The following HECW1 variants were observed in gnomAD, a reference collection of about 807,000 sequenced individuals.
HECW1 encodes the protein E3 ubiquitin-protein ligase HECW1.
A neutral mutation model predicts 182.3 loss-of-function variants in HECW1; 61 were observed. The observed-to-expected ratio is 0.33, with a 90% CI of 0.27 to 0.41. The LOEUF is 0.41. Among genes scored for constraint, HECW1 ranks in the 10% least tolerant of loss-of-function variants. The pLI is 1.00. For missense variants in HECW1, 1,739 were observed against 2,108.9 expected, an observed-to-expected ratio of 0.82 and a Z score of 3.44; for synonymous variants, 859 against 832.6, an observed-to-expected ratio of 1.03 and a Z score of -0.55.
intron 12 of HECW1, among the ~76,000 whole-genome samples, chr7:43,454,335 C>T (rs1331041413): frequency 1.3e-5 from 2 of 152,128 alleles, no homozygotes; most frequent in East Asian, 1.9e-4. Flanking sequence ...TGTTGGATGA[C>T]AGTCATGTTG....
At chr7:43,361,079 TG>T in intron 6 of HECW1, 99 bp downstream of exon 6, 1 of 730,506 alleles carries the variant, frequency 1.4e-6, no homozygotes, top group Non-Finnish European at 2.4e-6. Context: ...TGTGTGTGTG[TG>T]TGTGTGTGTA....
chr7:43,221,537 GTTTTTTTTTTTTTTTTTTTTTTTTTTTT>G (rs71008897), intron 2 of HECW1, among the ~76,000 whole-genome samples: 3 of 50,500 alleles, frequency 5.9e-5, no homozygotes, highest in African/African-American at 7.7e-5. Flanking sequence ...GAGGAATTAG[GTTTTTTTTTTTTTTTTTTTTTTTTTTTT>G]TTTTTTTTTT....
intron 3 of HECW1, among the ~76,000 whole-genome samples, chr7:43,262,478 A>G (rs1176198306): frequency 1.3e-5 from 2 of 152,116 alleles, no homozygotes; most frequent in African/African-American, 4.8e-5. Context: ...CCCTATAGCT[A>G]TGGAGGCAGA....
chr7:43,146,130 T>G (rs1222676168), intron 2 of HECW1, among the ~76,000 whole-genome samples: 1 of 152,268 alleles, frequency 6.6e-6, no homozygotes, highest in East Asian at 1.9e-4. Flanking sequence ...TGAATTTTAC[T>G]ATCTTGCTTC....
chr7:43,259,465 A>T (rs1327477013), intron 3 of HECW1, among the ~76,000 whole-genome samples: 2 of 152,332 alleles, frequency 1.3e-5, no homozygotes, highest in African/African-American at 4.8e-5. Context: ...ATAAATAAAT[A>T]GAAAAAATAC....
chr7:43,119,867 C>T (rs188417462), intron 2 of HECW1, among the ~76,000 whole-genome samples: 190 of 152,282 alleles, frequency 1.2e-3, no homozygotes, highest in African/African-American at 3.4e-3. Context: ...ACAGCCATCC[C>T]CGTCTAAGCG....
chr7:43,154,977 T>C (rs930845535), intron 2 of HECW1, among the ~76,000 whole-genome samples: 14 of 152,186 alleles, frequency 9.2e-5, no homozygotes, highest in Non-Finnish European at 1.6e-4. Flanking sequence ...AATCTTGAAC[T>C]TTGTATTTAG....
At chr7:43,225,452 A>G (rs977534013) in intron 2 of HECW1, among the ~76,000 whole-genome samples, 7 of 152,312 alleles carry the variant, frequency 4.6e-5, no homozygotes, top group African/African-American at 1.7e-4. Flanking sequence ...GTTGTAGGTA[A>G]GAAAGCGATT....
Position 43,500,759 on chromosome 7 carries a change from T to C in HECW1, c.3498T>C (p.Asp1166=). ...GNHGLEKLSC[D]ADLVILLSLF... ...ACGGGCTTGAGAAGTTGTCCTGTGA[T>C]GCGGATCTGGTCATTTTGCTGAGGT... is the stretch of plus-strand genomic sequence containing the variant. The change falls in exon 20 of 30, where the codon GAT becomes GAC. Residue 1166 remains aspartate (D), a synonymous_variant. Coordinates refer to ENST00000395891, the MANE Select transcript of HECW1 (RefSeq NM_015052.5). 2 of 1,613,870 alleles carry C rather than the reference T, an allele frequency of 1.2e-6. No individual in the cohort carries two copies. Among genetic ancestry groups the C allele is most frequent in the Non-Finnish European group, 1.7e-6 (2 of 1,179,776 alleles).
intron 24 of HECW1, chr7:43,511,568 A>G (rs1360870033): frequency 6.6e-6 from 1 of 152,238 alleles, no homozygotes; most frequent in Non-Finnish European, 1.5e-5. Context: ...GAGCAAGGGA[A>G]ACTGGTTTTC....
intron 8 of HECW1, among the ~76,000 whole-genome samples, chr7:43,425,248 C>CAA (rs1554408840): frequency 6.6e-6 from 1 of 151,356 alleles, no homozygotes; most frequent in African/African-American, 2.4e-5. Context: ...CACACACACA[C>CAA]GTGTACATAT....
chr7:43,228,288 C>T (rs1021388678), intron 2 of HECW1, among the ~76,000 whole-genome samples: 18 of 151,880 alleles, frequency 1.2e-4, no homozygotes, highest in African/African-American at 4.4e-4. Flanking sequence ...GAGTTCAAGA[C>T]CAGCCTGGGC....
chr7:43,444,686 A>C lies in HECW1; in HGVS notation c.1514A>C (p.Glu505Ala). 1 of 1,606,828 alleles carries C rather than the reference A, an allele frequency of 6.2e-7. No individual in the cohort carries two copies. The highest frequency in any genetic ancestry group is 8.5e-7 in the Non-Finnish European group (1 of 1,176,452). ...SRAGREEEEKEQEEEGDVSTL... is the reference protein window; with the variant it reads ...SRAGREEEEKAQEEEGDVSTL... ...GCTGGAAGGGAAGAAGAGGAGAAGG[A>C]GCAGGAGGAGGAGGGAGATGTGTCT... The change falls in exon 11 of 30, where the codon GAG (glutamate) becomes GCG (alanine). Residue 505 changes from glutamate to alanine, a missense_variant. Glu to Ala is a moderately radical substitution (Grantham distance 107, BLOSUM62 -1). Coordinates refer to ENST00000395891, the MANE Select transcript of HECW1 (RefSeq NM_015052.5). This position sits in a 1 kb window ranked among gnomAD's most constrained non-coding sequence, Gnocchi z 4.3.
intron 3 of HECW1, among the ~76,000 whole-genome samples, chr7:43,251,956 G>T (rs1034215863): frequency 1.3e-5 from 2 of 152,180 alleles, no homozygotes; most frequent in South Asian, 4.1e-4. Context: ...AGTGCTCTGG[G>T]GGGGTACATT....
chr7:43,381,510 A>T (rs1239864646), intron 6 of HECW1, among the ~76,000 whole-genome samples: 7 of 137,350 alleles, frequency 5.1e-5, no homozygotes, highest in Non-Finnish European at 1.5e-5. Flanking sequence ...TTTTTTTGAG[A>T]TGGAGTCTTG....
intron 3 of HECW1, among the ~76,000 whole-genome samples, chr7:43,299,094 C>T (rs1806404660): frequency 6.6e-6 from 1 of 152,176 alleles, no homozygotes; most frequent in Non-Finnish European, 1.5e-5. Flanking sequence ...ATTACCGTAT[C>T]CTCGAGGCCA....
At chr7:43,530,192 A>T (rs915386521) in intron 24 of HECW1, among the ~76,000 whole-genome samples, 1 of 148,468 alleles carries the variant, frequency 6.7e-6, no homozygotes, top group Non-Finnish European at 1.5e-5. Flanking sequence ...TCCTGACCTC[A>T]GGTGATCCAC....
At chr7:43,531,236 C>A (rs2080971513) in intron 24 of HECW1, among the ~76,000 whole-genome samples, 1 of 152,206 alleles carries the variant, frequency 6.6e-6, no homozygotes, top group Non-Finnish European at 1.5e-5. Flanking sequence ...CCTCACTTGT[C>A]ACCTCCTTCA....
chr7:43,298,071 T>G (rs1003880816), intron 3 of HECW1, among the ~76,000 whole-genome samples: 1 of 152,076 alleles, frequency 6.6e-6, no homozygotes, highest in African/African-American at 2.4e-5. Flanking sequence ...AGACCCTGTT[T>G]CTGGGGAAAA....
Sources: allele counts gnomAD v4.1 joint callset (sites outside exome capture counted in the v4.1 genomes callset), GRCh38; gene constraint gnomAD v4.1.1; non-coding constraint Gnocchi (gnomAD v3.1); transcripts MANE v1.5; gene names NCBI Gene and HGNC (gene_info 2026-07-23, HGNC 2026-07-21).